ZNF547: variants seen among roughly 807,000 people sequenced by gnomAD.
The protein encoded by ZNF547 is zinc finger protein 547.
A neutral mutation model predicts 7.7 loss-of-function variants in ZNF547; 4 were observed. That is an observed-to-expected ratio of 0.52 (90% confidence interval 0.26 to 1.20). ZNF547 has a LOEUF of 1.20. Ranked by LOEUF, ZNF547 falls within the 50% of genes most tolerant of loss-of-function variation. ZNF547 has a pLI of 0.14. For missense variants in ZNF547, 449 were observed against 485.8 expected (o/e 0.92, Z 0.71); for synonymous variants, 166 against 166.2 (o/e 1.00, Z 0.01).
At chr19:57,376,356 G>A (rs896331570) in intron 3 of ZNF547, among the ~76,000 whole-genome samples, 7 of 152,226 alleles carry the variant, frequency 4.6e-5, no homozygotes, top group East Asian at 1.9e-4. Context: ...AGACCAAACC[G>A]AGGGTGGGGC....
At chr19:57,372,919 T>C (rs1379547251) in intron 3 of ZNF547, among the ~76,000 whole-genome samples, 2 of 152,212 alleles carry the variant, frequency 1.3e-5, no homozygotes, top group Non-Finnish European at 2.9e-5. Flanking sequence ...AGAAGTGACT[T>C]GGAGACCCTC....
intron 3 of ZNF547, among the ~76,000 whole-genome samples, chr19:57,372,611 CT>C (rs999029790): frequency 6.6e-6 from 1 of 152,230 alleles, no homozygotes; most frequent in African/African-American, 2.4e-5. Context: ...CTGGTGACCC[CT>C]GTTGTTTAGT....
At chr19:57,375,357 T>TA (rs892705881) in intron 3 of ZNF547, among the ~76,000 whole-genome samples, 11 of 148,300 alleles carry the variant, frequency 7.4e-5, no homozygotes, top group African/African-American at 2.3e-4. Flanking sequence ...CTCAAAGAGA[T>TA]ACGCGATACT....
intron 1 of ZNF547, chr19:57,364,727 C>T (rs1028002767): frequency 1.4e-5 from 13 of 945,360 alleles, no homozygotes; most frequent in Non-Finnish European, 2.1e-5. Flanking sequence ...GGCGACAGAG[C>T]GAGATTCCGT....
chr19:57,371,953 G>C (rs2088507823), intron 3 of ZNF547, 45 bp downstream of exon 3: 1 of 1,525,024 alleles, frequency 6.6e-7, no homozygotes, highest in Admixed American at 2.1e-5. Context: ...GGGCTGTGTT[G>C]TCTCCTTTTA....
chr19:57,366,030 A>C (rs1000249014), intron 1 of ZNF547, among the ~76,000 whole-genome samples: 2 of 142,078 alleles, frequency 1.4e-5, no homozygotes, highest in African/African-American at 5.3e-5. Context: ...ACGCCTGGCT[A>C]ATTTTTGTAT....
At chr19:57,365,698 G>A (rs868208007) in intron 1 of ZNF547, among the ~76,000 whole-genome samples, 9 of 151,528 alleles carry the variant, frequency 5.9e-5, no homozygotes, top group African/African-American at 1.5e-4. Context: ...TAGTAGAGAC[G>A]GAGTTTCGCC....
Position 57,378,842 on chromosome 19 carries a change from A to T in ZNF547, c.*657A>T. The T allele has an allele frequency of 2.6e-6, 1 of 383,914 alleles. No homozygotes were observed. Among genetic ancestry groups the T allele is most frequent in the South Asian group, 1.9e-5 (1 of 51,514 alleles). The allele number at this position is 383,914 out of a possible 1,614,324, so 23.8% of individuals were successfully genotyped here. On this transcript the variant is annotated 3_prime_UTR_variant, in exon 4 of 4. Transcript: ENST00000282282. ...GAAACTCTATAACCACCATTAAAAAAACAACTCATTCCCACATTCTTCAGT... is the reference window on the plus strand; with the variant it reads ...GAAACTCTATAACCACCATTAAAAATACAACTCATTCCCACATTCTTCAGT...
chr19:57,363,777 G>A (rs1433053588), intron 1 of ZNF547, 74 bp downstream of exon 1: 1 of 152,682 alleles, frequency 6.5e-6, no homozygotes, highest in African/African-American at 2.4e-5. Flanking sequence ...CATAGAAGGG[G>A]CCCTGCAGGT....
chr19:57,364,633 C>T (rs2088449533), intron 1 of ZNF547: 1 of 603,276 alleles, frequency 1.7e-6, no homozygotes. Flanking sequence ...CCCAGCTATT[C>T]GGGAGGCTGA....
In ZNF547 at chr19:57,377,993, C is replaced by T. The variant is rs764415149; in HGVS notation, c.1017C>T (p.Leu339=). ...CGKFFSLKSV[L]IQHQRVHTGE... ...AATTCTTCAGCTTGAAATCCGTCCT[C>T]ATTCAACACCAAAGAGTTCACACTG... The change falls in exon 4 of 4, where the codon CTC becomes CTT. Residue 339 remains leucine, a synonymous_variant. Coordinates refer to ENST00000282282, the MANE Select transcript of ZNF547 (RefSeq NM_173631.4). 16 of 1,614,000 alleles carry T rather than the reference C, an allele frequency of 9.9e-6. No individual in the cohort carries two copies. The highest frequency in any genetic ancestry group is 1.7e-5 in the Admixed American group (1 of 59,996).
intron 2 of ZNF547, among the ~76,000 whole-genome samples, chr19:57,368,841 G>T (rs1489944247): frequency 6.6e-6 from 1 of 152,160 alleles, no homozygotes; most frequent in Non-Finnish European, 1.5e-5. Context: ...AGTTGACGTG[G>T]TAACATCTGT....
chr19:57,369,899 C>CTTTTTTTTTTTTTTTTTTTTT lies in ZNF547; in HGVS notation c.24+1324_24+1344dup, dbSNP rs61547238. 1.9e-4 allele frequency among the ~76,000 whole-genome samples: 10 copies of CTTTTTTTTTTTTTTTTTTTTT among 51,678 alleles called. 3 individuals are homozygous for CTTTTTTTTTTTTTTTTTTTTT. The highest frequency in any genetic ancestry group is 2.3e-4 in the Non-Finnish European group (7 of 29,906). 33.9% of individuals were successfully genotyped at this position (51,678 alleles called of 152,430 possible). On this transcript the variant is annotated intron_variant, in intron 2 of 3. Transcript: ENST00000282282. ...AAAGAAGTTTAATTGACTCACAGTT[C>CTTTTTTTTTTTTTTTTTTTTT]TTTTTTTTTTTTTTTTTTTTTTTTG... is the stretch of plus-strand genomic sequence containing the variant.
In ZNF547 at chr19:57,365,886, G is replaced by A. The variant is rs542134413; in HGVS notation, c.-13+2183G>A. The stretch of plus-strand genomic sequence containing the variant: ...TCTTTTTTTTTTTTCTTTTGAGATG[G>A]AGTCTGGCTCCTGTTGTGCAGGGGC... On this transcript the variant is annotated intron_variant, in intron 1 of 3. Transcript: ENST00000282282. Among the ~76,000 whole-genome samples the A allele has an allele frequency of 2.1e-3, 306 of 148,642 alleles. 2 individuals carry two copies. The highest frequency in any genetic ancestry group is 7.1e-3 in the African/African-American group (288 of 40,432).
rs2088546177 is a variant in ZNF547 at position 57,377,681 on chromosome 19, T to C, written c.705T>C (p.Ser235=). ...TTGTTCGTCACCAGACAATCCACTC[T>C]GGAGAAAGGCCTTATGAGTGCAGTG... ...SHLVRHQTIH[S]GERPYECSEC... is the part of the protein sequence containing the mutation. Residue 235 remains serine, a synonymous_variant, in exon 4 of 4, where the codon TCT becomes TCC. Coordinates refer to ENST00000282282, the MANE Select transcript of ZNF547 (RefSeq NM_173631.4). 6.2e-7 allele frequency: 1 copy of C among 1,612,308 alleles called. No homozygotes were observed. Among genetic ancestry groups the C allele is most frequent in the African/African-American group, 1.3e-5 (1 of 74,802 alleles).
At chr19:57,364,906 G>A (rs753598724) in intron 1 of ZNF547, 1 of 1,612,562 alleles carries the variant, frequency 6.2e-7, no homozygotes, top group South Asian at 1.1e-5. Context: ...GTTTTTGCCA[G>A]CTGGGAAGGC....
Position 57,377,323 on chromosome 19 carries a change from C to T in ZNF547, c.347C>T (p.Thr116Met), listed in dbSNP as rs544829574. ...DGTHPEQGLY[T>M]CPAHLHQHQK... is the part of the protein sequence containing the mutation. ...ACACACCCCGAGCAGGGACTGTACA[C>T]GTGTCCAGCACATCTTCACCAGCAC... Residue 116 changes from threonine to methionine, a missense_variant, in exon 4 of 4, where the codon ACG (threonine) becomes ATG (methionine). By Grantham distance (81) the Thr-to-Met change is moderately conservative. Transcript: ENST00000282282. 47 of 1,614,192 alleles carry T rather than the reference C, an allele frequency of 2.9e-5. No individual in the cohort carries two copies. Among genetic ancestry groups the T allele is most frequent in the Admixed American group, 1.7e-4 (10 of 60,034 alleles).
chr19:57,377,425 A>G lies in ZNF547; in HGVS notation c.449A>G (p.His150Arg), dbSNP rs202125151. 2.2e-4 allele frequency: 349 copies of G among 1,614,282 alleles called. No homozygotes were observed. The highest frequency in any genetic ancestry group is 2.7e-4 in the Non-Finnish European group (314 of 1,180,050). Reference protein sequence around the residue: ...RPTFVKNHRVHMAGKTFLCSE... With the variant: ...RPTFVKNHRVRMAGKTFLCSE... ...ACATTTGTGAAGAACCACAGAGTTC[A>G]CATGGCAGGGAAGACCTTCTTGTGC... Residue 150 changes from histidine to arginine, a missense_variant, in exon 4 of 4, where the codon CAC becomes CGC. Transcript: ENST00000282282.
rs185155444 is a variant in ZNF547, at chr19:57,373,780, T to C, written c.151+1872T>C. Among the ~76,000 whole-genome samples, 9 of 152,316 alleles carry C rather than the reference T, an allele frequency of 5.9e-5. No homozygotes were observed. The South Asian group carries it at 1.5e-3, about 25-fold the overall frequency. Reference sequence around the variant, plus strand: ...ATATCCTCTGACTCCATCTCTCACATCCAGGGCACAGTGATGCAATAGGTG... The same window carrying C: ...ATATCCTCTGACTCCATCTCTCACACCCAGGGCACAGTGATGCAATAGGTG... On this transcript the variant is annotated intron_variant, in intron 3 of 3. Transcript: ENST00000282282.
Sources: gnomAD v4.1 joint callset for allele counts (sites outside exome capture counted in the v4.1 genomes callset) on GRCh38, gnomAD v4.1.1 for gene constraint, MANE v1.5 for transcripts, NCBI Gene and HGNC (gene_info 2026-07-23, HGNC 2026-07-21) for gene names.